ASIC2: variants seen among roughly 807,000 people sequenced by gnomAD.
The protein encoded by ASIC2 is acid-sensing ion channel 2.
ASIC2 carries 25 observed loss-of-function variants against 57.3 expected under a neutral mutation model. That is an observed-to-expected ratio of 0.44 (90% CI 0.32 to 0.61). The LOEUF (loss-of-function observed/expected upper bound fraction) is 0.61. Among genes scored for constraint, ASIC2 ranks in the 20% least tolerant of loss-of-function variants. The pLI is 0.06. For missense variants in ASIC2, 641 were observed against 738.1 expected (o/e 0.87, Z 1.52); for synonymous variants, 319 against 307.5 (o/e 1.04, Z -0.39).
chr17:34,024,616 A>G (rs1309988054), intron 1 of ASIC2, among the ~76,000 whole-genome samples: 3 of 152,220 alleles, frequency 2.0e-5, no homozygotes, highest in Admixed American at 6.5e-5. Flanking sequence ...TTTCCCAGAA[A>G]TTCTGCTCTG....
At chr17:33,362,101 C>A (rs1908632256) in intron 1 of ASIC2, among the ~76,000 whole-genome samples, 1 of 152,242 alleles carries the variant, frequency 6.6e-6, no homozygotes, top group African/African-American at 2.4e-5. Context: ...ATCCTTTCCT[C>A]CTACATAGAT....
At chr17:33,376,981 A>T (rs1317943602) in intron 1 of ASIC2, among the ~76,000 whole-genome samples, 1 of 152,232 alleles carries the variant, frequency 6.6e-6, no homozygotes, top group Non-Finnish European at 1.5e-5. Flanking sequence ...TAAGTAATTC[A>T]TTCATTCCCT....
At chr17:33,435,212 A>G (rs1045665790) in intron 1 of ASIC2, among the ~76,000 whole-genome samples, 3 of 152,216 alleles carry the variant, frequency 2.0e-5, no homozygotes, top group Non-Finnish European at 4.4e-5. Flanking sequence ...CTAGCAGTGA[A>G]CATCCCTGGT....
At chr17:34,051,151 T>C (rs1423353236) in intron 1 of ASIC2, among the ~76,000 whole-genome samples, 1 of 152,178 alleles carries the variant, frequency 6.6e-6, no homozygotes, top group Non-Finnish European at 1.5e-5. Flanking sequence ...AAGAGTGATT[T>C]TGCTTGATAC....
chr17:33,912,919 C>G (rs1915499470), intron 1 of ASIC2, among the ~76,000 whole-genome samples: 2 of 151,858 alleles, frequency 1.3e-5, no homozygotes, highest in Admixed American at 6.6e-5. Context: ...GCAGAGGTTG[C>G]AGTGAGCCAA....
rs570071795 is a variant in ASIC2, at chr17:33,780,758, G to A, written c.555+375220C>T. The stretch of plus-strand genomic sequence containing the variant: ...CTGCTCCCAGGCAGTGGAGGACTCT[G>A]AGCAGGGAAGGCGGGAGGGCCCTTC... On this transcript the variant is annotated intron_variant, in intron 1 of 9. Transcript: ENST00000359872. Among the ~76,000 whole-genome samples the A allele has an allele frequency of 1.1e-3, 174 of 152,342 alleles. 3 individuals carry two copies. The highest frequency in any genetic ancestry group is 0.011 in the Admixed American group (173 of 15,306).
chr17:34,076,384 C>A (rs1909654494), intron 1 of ASIC2, among the ~76,000 whole-genome samples: 1 of 152,146 alleles, frequency 6.6e-6, no homozygotes, highest in Admixed American at 6.5e-5. Flanking sequence ...CAGCCCTCTT[C>A]ACTCACTAGC....
Position 34,048,763 on chromosome 17 carries a change from C to T in ASIC2, c.555+107215G>A, listed in dbSNP as rs113803260. ...GCTATGTGTGAACACAGTCTTCCAT[C>T]GGATGTTGTGCAGATAAGAGATGGT... is the stretch of plus-strand genomic sequence containing the variant. On this transcript the variant is annotated intron_variant, in intron 1 of 9. Transcript: ENST00000359872. Among the ~76,000 whole-genome samples, 297 of 152,274 alleles carry T rather than the reference C, an allele frequency of 2.0e-3. 1 individual carries two copies. Among genetic ancestry groups the T allele is most frequent in the African/African-American group, 6.3e-3 (262 of 41,544 alleles).
At chr17:34,112,282 G>A (rs544046014) in intron 1 of ASIC2, among the ~76,000 whole-genome samples, 1 of 152,164 alleles carries the variant, frequency 6.6e-6, no homozygotes, top group East Asian at 1.9e-4. Flanking sequence ...GGATCACAGT[G>A]CAAGTTAAAT....
chr17:33,015,894 G>C, intron 9 of ASIC2, 77 bp downstream of exon 9: 1 of 1,508,358 alleles, frequency 6.6e-7, no homozygotes, highest in Admixed American at 1.7e-5. Flanking sequence ...TTTCCTGCCC[G>C]GCCCCAGCAT....
chr17:33,515,411 C>T (rs1353852328), intron 1 of ASIC2, among the ~76,000 whole-genome samples: 2 of 152,218 alleles, frequency 1.3e-5, no homozygotes, highest in East Asian at 3.8e-4. Context: ...AGCTCTGGCA[C>T]CAAACTCACT....
At chr17:33,682,824 A>G (rs1342873614) in intron 1 of ASIC2, among the ~76,000 whole-genome samples, 2 of 152,228 alleles carry the variant, frequency 1.3e-5, no homozygotes, top group Non-Finnish European at 2.9e-5. Flanking sequence ...ACTTTGGAGA[A>G]TGGTGCTTCC....
At chr17:33,040,407 T>C (rs1487979733) in intron 3 of ASIC2, among the ~76,000 whole-genome samples, 4 of 152,320 alleles carry the variant, frequency 2.6e-5, no homozygotes, top group Admixed American at 6.5e-5. Flanking sequence ...AAGAGCACTA[T>C]TGGGGCAGGA....
chr17:33,877,486 C>T lies in ASIC2; in HGVS notation c.555+278492G>A, dbSNP rs1026081674. Among the ~76,000 whole-genome samples, 8 of 152,198 alleles carry T rather than the reference C, an allele frequency of 5.3e-5. No homozygotes were observed. In the South Asian group the frequency reaches 8.3e-4, roughly 16 times the overall value. On this transcript the variant is annotated intron_variant, in intron 1 of 9. Transcript: ENST00000359872. ...AGGAGATTATAACCCATTCCTGGCT[C>T]GGAGGGTCCTACGCCCATGCAGCCT... is the stretch of plus-strand genomic sequence containing the variant.
intron 1 of ASIC2, chr17:33,955,409 G>A (rs1267071804): frequency 6.6e-6 from 1 of 152,226 alleles, no homozygotes; most frequent in Non-Finnish European, 1.5e-5. Flanking sequence ...ACTAGAGGAA[G>A]GTTGCAAGGA....
intron 3 of ASIC2, among the ~76,000 whole-genome samples, chr17:33,067,758 A>C (rs1210533492): frequency 1.3e-5 from 2 of 152,200 alleles, no homozygotes; most frequent in African/African-American, 4.8e-5. Context: ...CAACTTTGCA[A>C]AGTTAAAAAA....
intron 1 of ASIC2, among the ~76,000 whole-genome samples, chr17:33,831,603 A>C (rs1913115017): frequency 6.7e-6 from 1 of 149,978 alleles, no homozygotes; most frequent in Non-Finnish European, 1.5e-5. Context: ...AAAAAAATAG[A>C]GTCCTGCAAA....
intron 1 of ASIC2, among the ~76,000 whole-genome samples, chr17:33,757,477 C>T (rs141305462): frequency 2.0e-5 from 3 of 152,228 alleles, no homozygotes; most frequent in African/African-American, 7.2e-5. Context: ...CTGCCTGCTC[C>T]CCACTGTTCA....
At chr17:33,977,031 A>C (rs2142001685) in intron 1 of ASIC2, among the ~76,000 whole-genome samples, 1 of 152,244 alleles carries the variant, frequency 6.6e-6, no homozygotes, top group South Asian at 2.1e-4. Flanking sequence ...ACAGCCAGGC[A>C]GCTGGCCCCT....
Sources: gnomAD v4.1 joint callset for allele counts (sites outside exome capture counted in the v4.1 genomes callset) on GRCh38, gnomAD v4.1.1 for gene constraint, MANE v1.5 for transcripts, NCBI Gene and HGNC (gene_info 2026-07-23, HGNC 2026-07-21) for gene names.